Variants in MDGA2 observed in about 807,000 individuals in gnomAD.
MDGA2 encodes MAM domain-containing glycosylphosphatidylinositol anchor protein 2.
Under a neutral mutation model 117.8 loss-of-function variants are expected in MDGA2, and 40 were observed. The ratio of observed to expected loss-of-function variants is 0.34; its 90% confidence interval spans 0.26 to 0.44. The LOEUF (loss-of-function observed/expected upper bound fraction) is 0.44. MDGA2 is among the 20% of genes least tolerant of loss of function. MDGA2 has a pLI of 1.00. For missense variants in MDGA2, 1,123 were observed against 1,250.6 expected, an observed-to-expected ratio of 0.90 and a Z score of 1.54; for synonymous variants, 452 against 439.0, an observed-to-expected ratio of 1.03 and a Z score of -0.37.
At chr14:47,417,858 T>A (rs931666690) in intron 1 of MDGA2, among the ~76,000 whole-genome samples, 2 of 151,954 alleles carry the variant, frequency 1.3e-5, no homozygotes, top group African/African-American at 4.8e-5. Flanking sequence ...GGACTACAGG[T>A]GCACATTACC....
At chr14:47,329,457 G>T (rs377552464) in intron 1 of MDGA2, among the ~76,000 whole-genome samples, 1 of 152,100 alleles carries the variant, frequency 6.6e-6, no homozygotes, top group Admixed American at 6.6e-5. Flanking sequence ...AGCATAGAAC[G>T]ATAGGTGCTC....
At chr14:47,121,682 T>C (rs946136605) in intron 5 of MDGA2, among the ~76,000 whole-genome samples, 5 of 152,214 alleles carry the variant, frequency 3.3e-5, no homozygotes, top group African/African-American at 1.2e-4. Flanking sequence ...TATGATTTAA[T>C]TTTATCTTCA....
intron 3 of MDGA2, among the ~76,000 whole-genome samples, chr14:47,150,945 A>G (rs1306293779): frequency 4.1e-5 from 6 of 145,826 alleles, no homozygotes; most frequent in Non-Finnish European, 7.5e-5. Flanking sequence ...AAAAAAAAAG[A>G]GCTATCAGTA....
At chr14:46,961,102 G>A (rs923651131) in intron 8 of MDGA2, among the ~76,000 whole-genome samples, 3 of 151,864 alleles carry the variant, frequency 2.0e-5, no homozygotes, top group Admixed American at 6.6e-5. Context: ...ACACTTTGAC[G>A]TGAATGTCTT....
At chr14:47,304,652 C>T (rs1889385048) in intron 1 of MDGA2, among the ~76,000 whole-genome samples, 1 of 152,114 alleles carries the variant, frequency 6.6e-6, no homozygotes, top group Admixed American at 6.6e-5. Flanking sequence ...TTTCTATTTA[C>T]ATTATGTTGT....
At chr14:47,543,352 A>C (rs912619302) in intron 1 of MDGA2, among the ~76,000 whole-genome samples, 1 of 152,186 alleles carries the variant, frequency 6.6e-6, no homozygotes, top group Non-Finnish European at 1.5e-5. Flanking sequence ...GCAATTATGA[A>C]AGTGTGACAA....
intron 1 of MDGA2, among the ~76,000 whole-genome samples, chr14:47,460,927 C>A (rs2138591319): frequency 6.6e-6 from 1 of 152,174 alleles, no homozygotes; most frequent in African/African-American, 2.4e-5. Context: ...AATTATAAAC[C>A]TTTAAATAAG....
chr14:47,231,940 G>C (rs1886706259), intron 2 of MDGA2, among the ~76,000 whole-genome samples: 1 of 152,032 alleles, frequency 6.6e-6, no homozygotes, highest in South Asian at 2.1e-4. Context: ...TTTGTACAAA[G>C]ATGGTAAGAT....
intron 5 of MDGA2, among the ~76,000 whole-genome samples, chr14:47,115,013 T>TTA (rs1881248768): frequency 6.6e-6 from 1 of 151,088 alleles, no homozygotes; most frequent in South Asian, 2.1e-4. Flanking sequence ...AAGAAAATTT[T>TTA]TGCTTATGCT....
At chr14:47,095,349 A>G (rs953697519) in intron 6 of MDGA2, among the ~76,000 whole-genome samples, 2 of 152,032 alleles carry the variant, frequency 1.3e-5, no homozygotes, top group Non-Finnish European at 2.9e-5. Flanking sequence ...TAATGACACA[A>G]GAACAATATC....
intron 1 of MDGA2, among the ~76,000 whole-genome samples, chr14:47,385,886 A>G (rs1891744681): frequency 6.6e-6 from 1 of 152,204 alleles, no homozygotes; most frequent in African/African-American, 2.4e-5. Context: ...CACTAACATG[A>G]CAGAGGGAAA....
At chr14:47,619,765 C>G (rs899343469) in intron 1 of MDGA2, among the ~76,000 whole-genome samples, 3 of 152,214 alleles carry the variant, frequency 2.0e-5, no homozygotes, top group African/African-American at 7.2e-5. Flanking sequence ...CTTTGACAAA[C>G]TCAGTCATCC....
chr14:47,131,949 C>A, intron 4 of MDGA2, 103 bp from the exon 5 acceptor site: 4 of 850,796 alleles, frequency 4.7e-6, no homozygotes, highest in Non-Finnish European at 6.6e-6. Flanking sequence ...ATATTATTAT[C>A]AGAATATGAC....
At chr14:46,887,127 A>G (rs1333980848) in intron 10 of MDGA2, among the ~76,000 whole-genome samples, 2 of 152,050 alleles carry the variant, frequency 1.3e-5, no homozygotes, top group Admixed American at 1.3e-4. Context: ...TAATATCTCT[A>G]CATTGATAAC....
intron 15 of MDGA2, among the ~76,000 whole-genome samples, chr14:46,851,903 G>A (rs1200050967): frequency 2.6e-5 from 3 of 114,788 alleles, no homozygotes; most frequent in African/African-American, 8.0e-5. Context: ...AAAGATTTTT[G>A]GGTAAAAAAA....
intron 7 of MDGA2, among the ~76,000 whole-genome samples, chr14:47,036,537 A>G (rs1485197201): frequency 6.6e-6 from 1 of 152,196 alleles, no homozygotes; most frequent in Non-Finnish European, 1.5e-5. Context: ...GCATTTGTGC[A>G]GTAGAACATC....
chr14:47,000,315 G>T (rs1887456892), intron 8 of MDGA2, among the ~76,000 whole-genome samples: 1 of 114,412 alleles, frequency 8.7e-6, no homozygotes, highest in Admixed American at 9.7e-5. Context: ...CCAGACAGCT[G>T]TGAGTATATA....
At chr14:47,289,930 A>G (rs1347657995) in intron 2 of MDGA2, among the ~76,000 whole-genome samples, 1 of 152,150 alleles carries the variant, frequency 6.6e-6, no homozygotes, top group African/African-American at 2.4e-5. Flanking sequence ...CACATGATCC[A>G]ATTTTGACCA....
chr14:47,365,468 A>G (rs1253787315), intron 1 of MDGA2, among the ~76,000 whole-genome samples: 1 of 152,278 alleles, frequency 6.6e-6, no homozygotes, highest in Non-Finnish European at 1.5e-5. Context: ...TGGCAGCGCA[A>G]CCCATTGCCA....
Sources: allele counts gnomAD v4.1 joint callset (sites outside exome capture counted in the v4.1 genomes callset), GRCh38; gene constraint gnomAD v4.1.1; transcripts MANE v1.5; gene names NCBI Gene and HGNC (gene_info 2026-07-23, HGNC 2026-07-21).